DIP2C: variants seen among roughly 807,000 people sequenced by gnomAD.
The protein encoded by DIP2C is DIP2 acetate--CoA ligase C (putative), also known as disco-interacting protein 2 homolog C.
DIP2C carries 33 observed loss-of-function variants against 192.4 expected under a neutral mutation model. The observed-to-expected ratio is 0.17, with a 90% CI of 0.13 to 0.23. The LOEUF (loss-of-function observed/expected upper bound fraction) is 0.23, where lower values mean the gene tolerates loss of function less well. DIP2C is among the 10% of genes least tolerant of loss of function. DIP2C has a pLI of 1.00. For missense variants in DIP2C, 1,537 were observed against 2,110.1 expected, an observed-to-expected ratio of 0.73 and a Z score of 5.32; for synonymous variants, 979 against 864.1, an observed-to-expected ratio of 1.13 and a Z score of -2.33.
chr10:581,976 T>TG (rs1850697280), intron 1 of DIP2C, among the ~76,000 whole-genome samples: 1 of 152,102 alleles, frequency 6.6e-6, no homozygotes, highest in African/African-American at 2.4e-5. Context: ...GGTCAGGCAT[T>TG]GGATCCTCAT....
intron 2 of DIP2C, among the ~76,000 whole-genome samples, chr10:484,251 T>C (rs1843832837): frequency 6.6e-6 from 1 of 152,262 alleles, no homozygotes. Flanking sequence ...TTCAAAATAC[T>C]GTCCGCCAAA....
chr10:580,491 G>C (rs932658770), intron 1 of DIP2C, among the ~76,000 whole-genome samples: 1 of 152,102 alleles, frequency 6.6e-6, no homozygotes, highest in Non-Finnish European at 1.5e-5. Context: ...TGTCCAAATA[G>C]TGTGGATATA....
At position 513,101 on chromosome 10, in the gene DIP2C, G is replaced by C. The variant is rs374667345; in HGVS notation, c.86-26571C>G. Among the ~76,000 whole-genome samples, 6 of 152,214 alleles carry C rather than the reference G, an allele frequency of 3.9e-5. No individual in the cohort carries two copies. The East Asian group carries it at 1.2e-3, about 29-fold the overall frequency. On this transcript the variant is annotated intron_variant, in intron 1 of 36. Coordinates refer to ENST00000280886, the MANE Select transcript of DIP2C (RefSeq NM_014974.3). ...ACCAAGTTTCATGCTAAAAGCACAT[G>C]CATTTTAAGAGTGCTACATTATATT...
intron 1 of DIP2C, among the ~76,000 whole-genome samples, chr10:675,743 G>C (rs897021824): frequency 6.6e-6 from 1 of 152,114 alleles, no homozygotes; most frequent in African/African-American, 2.4e-5. Flanking sequence ...ATCCTAAACA[G>C]ACCAATAATG....
rs755189558 is a variant in DIP2C at position 414,076 on chromosome 10, C to A, written c.894G>T (p.Glu298Asp). The A allele has an allele frequency of 6.2e-7, 1 of 1,613,842 alleles. No individual in the cohort carries two copies. Residue 298 changes from glutamate (E) to aspartate (D), a missense_variant, in exon 8 of 37, where the codon GAG (glutamate) becomes GAT (aspartate). Physicochemically the swap from Glu to Asp is conservative, Grantham distance 45. This residue lies in a region of DIP2C where 473 missense variants were observed against 539.6 expected (regional missense o/e 0.88). Transcript: ENST00000280886. Reference protein sequence around the residue: ...QQPDPNQPKPEGAQMLAMRGE... With the variant: ...QQPDPNQPKPDGAQMLAMRGE... ...CGCGCATGGCCAGCATCTGGGCCCCCTCCGGCTTTGGTTGGTTCGGATCCG... is the reference window on the plus strand; with the variant it reads ...CGCGCATGGCCAGCATCTGGGCCCCATCCGGCTTTGGTTGGTTCGGATCCG...
chr10:414,743 A>G (rs201926013), intron 7 of DIP2C, among the ~76,000 whole-genome samples: 2,179 of 64,238 alleles, frequency 0.034, 155 homozygotes, highest in African/African-American at 0.09. Flanking sequence ...GTGTGTGTAC[A>G]TATATATATA....
chr10:423,990 T>C (rs1410807893), intron 4 of DIP2C, among the ~76,000 whole-genome samples: 1 of 152,226 alleles, frequency 6.6e-6, no homozygotes, highest in African/African-American at 2.4e-5. Context: ...ATCAATTTTT[T>C]CACTATAATT....
Position 323,221 on chromosome 10 carries a change from T to C in DIP2C, c.3924+3785A>G, listed in dbSNP as rs7068453. Among the ~76,000 whole-genome samples the C allele has an allele frequency of 4.4e-3, 78 of 17,692 alleles. 1 individual carries two copies. Among genetic ancestry groups the C allele is most frequent in the Admixed American group, 0.015 (32 of 2,100 alleles). The allele number at this position is 17,692 out of a possible 152,430, so 11.6% of individuals were successfully genotyped here. ...GCGGGGGTCCGGCGAGAGACCGGCG[T>C]TGTTAGAACAGTCAGTCGGGGGTGC... On this transcript the variant is annotated intron_variant, in intron 31 of 36. Coordinates refer to ENST00000280886, the MANE Select transcript of DIP2C (RefSeq NM_014974.3).
intron 1 of DIP2C, among the ~76,000 whole-genome samples, chr10:602,326 G>A (rs148506986): frequency 7.2e-4 from 110 of 152,316 alleles, no homozygotes; most frequent in Middle Eastern, 3.4e-3. Flanking sequence ...ATGCAGCTGA[G>A]AAGGCTGTGG....
intron 31 of DIP2C, among the ~76,000 whole-genome samples, chr10:310,608 A>G (rs1371897462): frequency 6.6e-6 from 1 of 152,180 alleles, no homozygotes; most frequent in Non-Finnish European, 1.5e-5. Flanking sequence ...TGGCCTGAGG[A>G]GGGCATTTCC....
chr10:598,094 G>A (rs550502456), intron 1 of DIP2C, among the ~76,000 whole-genome samples: 5 of 152,346 alleles, frequency 3.3e-5, no homozygotes, highest in Admixed American at 6.5e-5. Flanking sequence ...CAGGACACGC[G>A]TGGACAAGGC....
chr10:432,911 T>G (rs139393479), intron 4 of DIP2C, among the ~76,000 whole-genome samples: 1,974 of 152,358 alleles, frequency 0.013, 48 homozygotes, highest in African/African-American at 0.045. Flanking sequence ...TATTTTTAAG[T>G]GTATTGTTTA....
chr10:311,626 AAC>A (rs1454411945), intron 31 of DIP2C: 1 of 1,195,696 alleles, frequency 8.4e-7, no homozygotes. Context: ...AACAGAAACC[AAC>A]ACACACAACA....
chr10:417,962 A>T (rs71494910), intron 6 of DIP2C, among the ~76,000 whole-genome samples: 750 of 37,074 alleles, frequency 0.02, 25 homozygotes, highest in East Asian at 0.056. Flanking sequence ...GTCCACCTGC[A>T]CCTGTCAGGG....
At chr10:479,053 G>T (rs1299276464) in intron 2 of DIP2C, among the ~76,000 whole-genome samples, 3 of 152,124 alleles carry the variant, frequency 2.0e-5, no homozygotes, top group African/African-American at 7.2e-5. Context: ...AAACTGCCGG[G>T]GATTTTTCTG....
At chr10:501,245 T>TA (rs944505108) in intron 1 of DIP2C, among the ~76,000 whole-genome samples, 26 of 152,198 alleles carry the variant, frequency 1.7e-4, no homozygotes, top group African/African-American at 6.0e-4. Flanking sequence ...ATAATGTTGA[T>TA]AGTACACACT....
At chr10:565,905 G>C (rs958145446) in intron 1 of DIP2C, among the ~76,000 whole-genome samples, 5 of 152,196 alleles carry the variant, frequency 3.3e-5, no homozygotes, top group Non-Finnish European at 7.3e-5. Context: ...AGCAGGCAGG[G>C]CCATGTGGGC....
At chr10:568,403 G>T (rs1041450312) in intron 1 of DIP2C, among the ~76,000 whole-genome samples, 1 of 152,140 alleles carries the variant, frequency 6.6e-6, no homozygotes, top group Non-Finnish European at 1.5e-5. Context: ...AGAGCAAAAA[G>T]AAACGAATCA....
intron 3 of DIP2C, among the ~76,000 whole-genome samples, chr10:462,002 C>T (rs546659973): frequency 2.6e-4 from 39 of 152,198 alleles, no homozygotes; most frequent in African/African-American, 8.7e-4. Context: ...AGACAATGTA[C>T]CAGAATCTCT....
Sources: gnomAD v4.1 joint callset for allele counts (sites outside exome capture counted in the v4.1 genomes callset) on GRCh38, gnomAD v4.1.1 for gene constraint, gnomAD v4.1.1 regional missense constraint, MANE v1.5 for transcripts, NCBI Gene and HGNC (gene_info 2026-07-23, HGNC 2026-07-21) for gene names.